The following SLC9A8 variants were observed in gnomAD, a reference collection of about 807,000 sequenced individuals.
The protein encoded by SLC9A8 is solute carrier family 9 member A8.
A neutral mutation model predicts 66.6 loss-of-function variants in SLC9A8; 48 were observed. That is an observed-to-expected ratio of 0.72 (90% CI 0.57 to 0.92). The LOEUF is 0.92. Among genes scored for constraint, SLC9A8 ranks in the 40% least tolerant of loss-of-function variants. SLC9A8 has a pLI of 0.00. For synonymous variants in SLC9A8, 274 were observed against 282.6 expected, an observed-to-expected ratio of 0.97 and a Z score of 0.31; for missense variants, 599 against 747.3, an observed-to-expected ratio of 0.80 and a Z score of 2.31.
At chr20:49,829,671 C>T in intron 3 of SLC9A8, 1 of 473,228 alleles carries the variant, frequency 2.1e-6, no homozygotes, top group Non-Finnish European at 4.1e-6. Flanking sequence ...TAAACTATTC[C>T]AGCAAGCGGT....
At chr20:49,825,370 G>T (rs1422952917) in intron 3 of SLC9A8, among the ~76,000 whole-genome samples, 1 of 152,202 alleles carries the variant, frequency 6.6e-6, no homozygotes, top group Non-Finnish European at 1.5e-5. Flanking sequence ...GCCAGGCGCG[G>T]TGGCTTATGC....
chr20:49,815,287 TCCTC>T (rs1405873881), intron 2 of SLC9A8, 98 bp downstream of exon 2: 4 of 1,072,708 alleles, frequency 3.7e-6, no homozygotes, highest in Non-Finnish European at 5.1e-6. Flanking sequence ...TGTCAAGTCT[TCCTC>T]CCATTTGGTT....
At chr20:49,841,683 C>T (rs948106242) in intron 4 of SLC9A8, among the ~76,000 whole-genome samples, 5 of 152,234 alleles carry the variant, frequency 3.3e-5, no homozygotes, top group East Asian at 1.9e-4. Flanking sequence ...CTCTGCCTCC[C>T]GGGTTCAAGT....
chr20:49,823,159 A>G lies in SLC9A8; in HGVS notation c.289+18A>G, dbSNP rs1406897599. 6.3e-7 allele frequency: 1 copy of G among 1,583,250 alleles called. No individual in the cohort carries two copies. The highest frequency in any genetic ancestry group is 8.7e-7 in the Non-Finnish European group (1 of 1,154,898). ...TTCTTTAGGTAAGTGTGTATTGGTG[A>G]TTCCATAATAAAAGCAGTAACAATA... On this transcript the variant is annotated intron_variant, in intron 3 of 15. Coordinates refer to ENST00000361573, the MANE Select transcript of SLC9A8 (RefSeq NM_015266.3).
At chr20:49,823,917 T>C (rs1466160059) in intron 3 of SLC9A8, among the ~76,000 whole-genome samples, 3 of 152,250 alleles carry the variant, frequency 2.0e-5, no homozygotes, top group African/African-American at 7.2e-5. Flanking sequence ...TCCTGATCAC[T>C]GCTGATGTTT....
intron 5 of SLC9A8, 26 bp from the exon 6 acceptor site, chr20:49,849,553 T>C: frequency 6.4e-7 from 1 of 1,561,432 alleles, no homozygotes; most frequent in South Asian, 1.1e-5. Flanking sequence ...TCTAATCATT[T>C]CCCTGATTTC....
At chr20:49,880,658 AC>A (rs1455545176) in intron 12 of SLC9A8, among the ~76,000 whole-genome samples, 1 of 152,070 alleles carries the variant, frequency 6.6e-6, no homozygotes, top group Non-Finnish European at 1.5e-5. Flanking sequence ...CCTTCCTGAT[AC>A]CTCGTCCGTC....
intron 1 of SLC9A8, among the ~76,000 whole-genome samples, 197 bp downstream of exon 1, chr20:49,813,145 A>T (rs8121924): frequency 6.6e-6 from 1 of 152,168 alleles, no homozygotes; most frequent in African/African-American, 2.4e-5. Context: ...TCCCCTGGAG[A>T]TCGGTCCCTC....
At chr20:49,859,483 T>A (rs573028561) in intron 8 of SLC9A8, among the ~76,000 whole-genome samples, 1 of 61,608 alleles carries the variant, frequency 1.6e-5, no homozygotes, top group Non-Finnish European at 4.2e-5. Flanking sequence ...CCCCTCCACC[T>A]TTTTTTTTTT....
At chr20:49,825,883 C>T (rs1389079665) in intron 3 of SLC9A8, among the ~76,000 whole-genome samples, 2 of 152,172 alleles carry the variant, frequency 1.3e-5, no homozygotes, top group African/African-American at 4.8e-5. Context: ...GCCCTTAAAG[C>T]AGTAACTGCA....
intron 2 of SLC9A8, among the ~76,000 whole-genome samples, chr20:49,821,961 A>C (rs1438470706): frequency 6.6e-6 from 1 of 152,160 alleles, no homozygotes; most frequent in Non-Finnish European, 1.5e-5. Context: ...CAGATTTGGA[A>C]TCTGACTCAA....
At chr20:49,816,778 G>T (rs1000814101) in intron 2 of SLC9A8, among the ~76,000 whole-genome samples, 1 of 151,988 alleles carries the variant, frequency 6.6e-6, no homozygotes, top group Non-Finnish European at 1.5e-5. Context: ...GCCCAGGCTG[G>T]AGTGCAGTGG....
At chr20:49,819,799 C>T (rs567009407) in intron 2 of SLC9A8, among the ~76,000 whole-genome samples, 21 of 152,238 alleles carry the variant, frequency 1.4e-4, no homozygotes, top group African/African-American at 3.4e-4. Flanking sequence ...CCATATAATA[C>T]GTGGCCTTTT....
At chr20:49,817,087 G>A (rs936170247) in intron 2 of SLC9A8, among the ~76,000 whole-genome samples, 63 of 151,280 alleles carry the variant, frequency 4.2e-4, no homozygotes, top group African/African-American at 1.5e-3. Flanking sequence ...CAGCACTTTC[G>A]CGTGGATCAT....
At position 49,884,223 on chromosome 20, in the gene SLC9A8, C is replaced by CACACACG. The variant is rs1555848180; in HGVS notation, c.1491+163_1491+164insGACACAC. On this transcript the variant is annotated intron_variant, in intron 14 of 15. Transcript: ENST00000361573. ...CGACACACACACACACACACACACACACACACACACACACACACGACACAC... is the reference window on the plus strand; with the variant it reads ...CGACACACACACACACACACACACACACACACGACACACACACACACACACGACACAC... 2.8e-4 allele frequency: 68 copies of CACACACG among 243,572 alleles called. No homozygotes were observed. In the East Asian group the frequency reaches 2.8e-3, roughly 10 times the overall value. 15.1% of individuals were successfully genotyped at this position (243,572 alleles called of 1,614,324 possible).
rs73271141 is a variant in SLC9A8, at chr20:49,862,186, C to T, written c.714-743C>T. Among the ~76,000 whole-genome samples, 1,068 of 152,072 alleles carry T rather than the reference C, an allele frequency of 7.0e-3. 19 individuals are homozygous for T. The highest frequency in any genetic ancestry group is 0.024 in the African/African-American group (989 of 41,472). On this transcript the variant is annotated intron_variant, in intron 8 of 15. Transcript: ENST00000361573. ...TCTTCCTTTGCACATGCTGTTCCCT[C>T]ACTGGGTGCCTTCCCCCATTTCTTC...
At chr20:49,855,648 G>T in intron 8 of SLC9A8, 67 bp downstream of exon 8, 1 of 1,483,870 alleles carries the variant, frequency 6.7e-7, no homozygotes, top group Non-Finnish European at 9.2e-7. Flanking sequence ...TAACAAAGGG[G>T]CAGATATTTC....
Position 49,827,369 on chromosome 20 carries a change from G to A in SLC9A8, c.289+4228G>A, listed in dbSNP as rs184021738. Among the ~76,000 whole-genome samples, 257 of 151,398 alleles carry A rather than the reference G, an allele frequency of 1.7e-3. 2 individuals are homozygous for A. The highest frequency in any genetic ancestry group is 1.3e-3 in the Non-Finnish European group (85 of 67,764). ...TGTAATCCCAGCACTTTGGGAGGCC[G>A]AGGCGGGCAGATCACCTGAGGTCAA... On this transcript the variant is annotated intron_variant, in intron 3 of 15. Transcript: ENST00000361573.
chr20:49,850,806 A>G lies in SLC9A8; in HGVS notation c.535-4A>G. The G allele has an allele frequency of 5.6e-6, 9 of 1,610,972 alleles. No individual in the cohort carries two copies. The highest frequency in any genetic ancestry group is 7.6e-6 in the Non-Finnish European group (9 of 1,179,136). On this transcript the variant is annotated splice_polypyrimidine_tract_variant and splice_region_variant and intron_variant, in intron 6 of 15. Transcript: ENST00000361573. ...TCTGTGTGTTTGTGTGTTTTATTTT[A>G]CAGGCTGATGTAATCTCTAAACTCA...
Sources: allele counts gnomAD v4.1 joint callset (sites outside exome capture counted in the v4.1 genomes callset), GRCh38; gene constraint gnomAD v4.1.1; transcripts MANE v1.5; gene names NCBI Gene and HGNC (gene_info 2026-07-23, HGNC 2026-07-21).